Variants in CFAP74 observed in about 807,000 individuals in gnomAD.
CFAP74 encodes the protein cilia and flagella associated protein 74.
CFAP74 carries 124 observed loss-of-function variants against 188.9 expected under a neutral mutation model. The ratio of observed to expected loss-of-function variants is 0.66; its 90% CI spans 0.57 to 0.76. The LOEUF (loss-of-function observed/expected upper bound fraction) is 0.76. Ranked by LOEUF, CFAP74 falls within the 30% of genes least tolerant of loss-of-function variation. CFAP74 has a pLI of 0.00. For missense variants in CFAP74, 2,198 were observed against 2,165.2 expected, an observed-to-expected ratio of 1.02 and a Z score of -0.30; for synonymous variants, 956 against 916.7, an observed-to-expected ratio of 1.04 and a Z score of -0.77.
chr1:1,925,770 A>G lies in CFAP74; in HGVS notation c.4104+13T>C, dbSNP rs1274960887. 1 of 1,606,828 alleles carries G rather than the reference A, an allele frequency of 6.2e-7. No homozygotes were observed. Among genetic ancestry groups the G allele is most frequent in the Admixed American group, 1.7e-5 (1 of 59,708 alleles). ...GAGGCTGGAGCCAGCACCAGGGCCC[A>G]CGTGTGCTTCACCTTGAAGCCTGAG... is the stretch of plus-strand genomic sequence containing the variant. On this transcript the variant is annotated intron_variant, in intron 33 of 38. Transcript: ENST00000682832.
In CFAP74 at chr1:1,972,060, CCTT is replaced by C. The variant is rs1311819703; in HGVS notation, c.805_807del (p.Lys269del). ...ATGTACTCGTGGCACTCCATCTCCTCCTTCTTCTCTTGCTCTCGGATTCTGAGG... is the reference window on the plus strand; with the variant it reads ...ATGTACTCGTGGCACTCCATCTCCTCCTTCTCTTGCTCTCGGATTCTGAGG... On this transcript the variant is annotated inframe_deletion, in exon 9 of 39. Coordinates refer to ENST00000682832, the MANE Select transcript of CFAP74 (RefSeq NM_001304360.2). 1.2e-5 allele frequency: 20 copies of C among 1,612,740 alleles called. No individual in the cohort carries two copies. Among genetic ancestry groups the C allele is most frequent in the East Asian group, 2.2e-5 (1 of 44,896 alleles).
chr1:1,995,903 G>A (rs1005932913), intron 1 of CFAP74, among the ~76,000 whole-genome samples: 5 of 151,994 alleles, frequency 3.3e-5, no homozygotes, highest in African/African-American at 4.8e-5. Flanking sequence ...GCGAGACTCC[G>A]TCTCAAACAA....
In CFAP74 at chr1:1,954,930, C is replaced by T. The variant is rs369745362; in HGVS notation, c.2176+761G>A. ...ACGGCCTTCGCAACAGTGTGTACCA[C>T]GAACGCTCCCAAGTGTGCACTGGCA... is the stretch of plus-strand genomic sequence containing the variant. On this transcript the variant is annotated intron_variant, in intron 18 of 38. Coordinates refer to ENST00000682832, the MANE Select transcript of CFAP74 (RefSeq NM_001304360.2). 107 of 1,194,004 alleles carry T rather than the reference C, an allele frequency of 9.0e-5. 1 individual carries two copies. Among genetic ancestry groups the T allele is most frequent in the Non-Finnish European group, 5.0e-5 (47 of 946,828 alleles). The allele number at this position is 1,194,004 out of a possible 1,614,324, so 74.0% of individuals were successfully genotyped here.
At chr1:1,959,937 G>T (rs372045867) in intron 15 of CFAP74, 27 bp downstream of exon 15, 3 of 1,559,494 alleles carry the variant, frequency 1.9e-6, no homozygotes, top group East Asian at 2.5e-5. Flanking sequence ...CCTCCCCTTC[G>T]AGAGAGAACG....
At chr1:1,958,702 C>T (rs368909572) in intron 16 of CFAP74, among the ~76,000 whole-genome samples, 1 of 152,202 alleles carries the variant, frequency 6.6e-6, no homozygotes, top group South Asian at 2.1e-4. Flanking sequence ...AATGTGGAGT[C>T]TGGGAGGATG....
At chr1:1,952,430 A>G (rs1654259653) in intron 18 of CFAP74, among the ~76,000 whole-genome samples, 1 of 152,170 alleles carries the variant, frequency 6.6e-6, no homozygotes, top group African/African-American at 2.4e-5. Context: ...GAATCCAAAT[A>G]TATCAATCAT....
At chr1:1,977,484 C>T (rs138162785) in intron 6 of CFAP74, among the ~76,000 whole-genome samples, 14 of 152,338 alleles carry the variant, frequency 9.2e-5, no homozygotes, top group African/African-American at 3.4e-4. Flanking sequence ...ACCCCCTTGC[C>T]ATCCTCTCTG....
rs1267478321 is a variant in CFAP74, at chr1:1,940,314, A to C, written c.2703+2T>G. 6.5e-7 allele frequency: 1 copy of C among 1,535,274 alleles called. No homozygotes were observed. Among genetic ancestry groups the C allele is most frequent in the Non-Finnish European group, 8.7e-7 (1 of 1,146,392 alleles). On this transcript the variant is annotated splice_donor_variant, in intron 23 of 38. Transcript: ENST00000682832. LOFTEE classifies it high-confidence loss of function. ...ATCCCTGGGAAGTGCCCCAACACAG[A>C]CCTGGTCGGCAACCCATATGGTCAT...
chr1:1,966,582 G>A, intron 11 of CFAP74, 56 bp from the exon 12 acceptor site: 1 of 1,394,202 alleles, frequency 7.2e-7, no homozygotes. Context: ...GAACAGGGAA[G>A]AGAAACTCGG....
At chr1:1,998,895 ATAAAAT>A (rs1275812617) in intron 1 of CFAP74, among the ~76,000 whole-genome samples, 1 of 152,068 alleles carries the variant, frequency 6.6e-6, no homozygotes, top group Non-Finnish European at 1.5e-5. Context: ...TAATAATAAA[ATAAAAT>A]TAAAATTAAA....
At chr1:1,958,925 C>T (rs986539592) in intron 16 of CFAP74, among the ~76,000 whole-genome samples, 195 bp downstream of exon 16, 25 of 152,258 alleles carry the variant, frequency 1.6e-4, no homozygotes, top group African/African-American at 5.1e-4. Flanking sequence ...GCCCCACGTT[C>T]GAGACCCCAC....
intron 3 of CFAP74, 23 bp downstream of exon 3, chr1:1,988,866 C>A: frequency 2.0e-6 from 2 of 981,518 alleles, no homozygotes; most frequent in Non-Finnish European, 3.1e-6. Flanking sequence ...ACACCCACCT[C>A]CACCCCCGAT....
chr1:1,992,740 C>T (rs1657661918), intron 1 of CFAP74, among the ~76,000 whole-genome samples: 1 of 151,872 alleles, frequency 6.6e-6, no homozygotes, highest in Non-Finnish European at 1.5e-5. Context: ...TCCCAAAGTG[C>T]TGGGATTACA....
At chr1:1,938,431 C>T (rs962671533) in intron 25 of CFAP74, among the ~76,000 whole-genome samples, 4 of 151,836 alleles carry the variant, frequency 2.6e-5, no homozygotes, top group African/African-American at 9.7e-5. Flanking sequence ...TGCACTCACA[C>T]TCCTGCAGGC....
At chr1:1,961,946 T>G (rs1655118626) in intron 14 of CFAP74, among the ~76,000 whole-genome samples, 1 of 152,178 alleles carries the variant, frequency 6.6e-6, no homozygotes, top group Non-Finnish European at 1.5e-5. Context: ...GGGGGCAGCC[T>G]CAGGAAGATG....
At position 1,968,522 on chromosome 1, in the gene CFAP74, GGT is replaced by G; in HGVS notation, c.1245+111_1245+112del. On this transcript the variant is annotated intron_variant, in intron 11 of 38. Transcript: ENST00000682832. This position sits in a 1 kb window ranked among gnomAD's most constrained non-coding sequence, Gnocchi z 4.3. ...TCAGCGGGCTCAGCAACCCCCTGCA[GGT>G]GGCCATGGTGCTGAGGTCCTCAGAG... 1.1e-6 allele frequency: 1 copy of G among 870,080 alleles called. No homozygotes were observed. 53.9% of individuals were successfully genotyped at this position (870,080 alleles called of 1,614,324 possible). A position where few individuals can be genotyped will look rare whatever the true frequency, so the allele number is the denominator to read the frequency against.
At chr1:1,939,892 G>T in intron 23 of CFAP74, 125 bp from the exon 24 acceptor site, 1 of 939,772 alleles carries the variant, frequency 1.1e-6, no homozygotes, top group Non-Finnish European at 1.6e-6. Flanking sequence ...AGGACACGAC[G>T]AGGCCGTCTC....
intron 14 of CFAP74, 128 bp from the exon 15 acceptor site, chr1:1,960,158 A>T (rs1238211542): frequency 1.3e-6 from 1 of 756,008 alleles, no homozygotes; most frequent in Non-Finnish European, 2.2e-6. Context: ...CCCCCTGCCC[A>T]GCCGCCTTCA....
chr1:1,926,206 C>A, intron 32 of CFAP74, 22 bp downstream of exon 32: 1 of 1,480,622 alleles, frequency 6.8e-7, no homozygotes, highest in Non-Finnish European at 9.0e-7. Flanking sequence ...CGCAGTGTGG[C>A]CAGGGTGGGC....
Sources: gnomAD v4.1 joint callset for allele counts (sites outside exome capture counted in the v4.1 genomes callset) on GRCh38, gnomAD v4.1.1 for gene constraint, Gnocchi (gnomAD v3.1) non-coding constraint, MANE v1.5 for transcripts, NCBI Gene and HGNC (gene_info 2026-07-23, HGNC 2026-07-21) for gene names.